SCN11A: variants seen among roughly 807,000 people sequenced by gnomAD.
The protein encoded by SCN11A is sodium voltage-gated channel alpha subunit 11.
Under a neutral mutation model 162.2 loss-of-function variants are expected in SCN11A, and 122 were observed. The ratio of observed to expected loss-of-function variants is 0.75; its 90% CI spans 0.65 to 0.87. The LOEUF (loss-of-function observed/expected upper bound fraction) is 0.87, where lower values mean the gene tolerates loss of function less well. Ranked by LOEUF, SCN11A falls within the 40% of genes least tolerant of loss-of-function variation. The probability of loss-of-function intolerance (pLI) is 0.00; values close to 1 mark genes in which losing one functional copy is unlikely to be tolerated. For synonymous variants in SCN11A, 758 were observed against 751.5 expected (o/e 1.01, Z -0.14); for missense variants, 2,015 against 2,181.6 (o/e 0.92, Z 1.52).
At chr3:38,966,392 A>G (rs541167964) in intron 2 of SCN11A, among the ~76,000 whole-genome samples, 2 of 152,206 alleles carry the variant, frequency 1.3e-5, no homozygotes, top group African/African-American at 2.4e-5. Flanking sequence ...CAAATAAATT[A>G]TGTAATTTGA....
At chr3:38,956,240 G>A (rs768106310) in intron 3 of SCN11A, among the ~76,000 whole-genome samples, 15 of 151,208 alleles carry the variant, frequency 9.9e-5, no homozygotes, top group African/African-American at 3.7e-4. Flanking sequence ...GGGAGACTCC[G>A]TCTCAAAAAA....
At chr3:39,035,003 T>A (rs2031867438) in intron 1 of SCN11A, among the ~76,000 whole-genome samples, 1 of 152,140 alleles carries the variant, frequency 6.6e-6, no homozygotes, top group Non-Finnish European at 1.5e-5. Flanking sequence ...GAATTAATAT[T>A]GTTAAAATGT....
chr3:38,958,477 C>G (rs1227876426), intron 3 of SCN11A, among the ~76,000 whole-genome samples: 1 of 152,204 alleles, frequency 6.6e-6, no homozygotes, highest in East Asian at 1.9e-4. Flanking sequence ...TAAAAAGTCC[C>G]TTTAATAAAA....
At chr3:39,036,523 A>G (rs935551006) in intron 1 of SCN11A, among the ~76,000 whole-genome samples, 1 of 152,238 alleles carries the variant, frequency 6.6e-6, no homozygotes, top group African/African-American at 2.4e-5. Context: ...CAAGCTAAAA[A>G]GCTTCTGCAC....
At chr3:38,894,287 C>A (rs541693896) in intron 19 of SCN11A, among the ~76,000 whole-genome samples, 2 of 152,252 alleles carry the variant, frequency 1.3e-5, no homozygotes, top group Admixed American at 6.5e-5. Context: ...CAAAGGAACT[C>A]CCCCTGTCAT....
rs375444569 is a variant in SCN11A at position 38,896,978 on chromosome 3, G to A, written c.2270C>T (p.Ser757Phe). The change falls in exon 18 of 30, where the codon TCC becomes TTC. Residue 757 changes from serine to phenylalanine, a missense_variant. Ser to Phe is a radical substitution (Grantham distance 155). Coordinates refer to ENST00000302328, the MANE Select transcript of SCN11A (RefSeq NM_001349253.2). ...GAGGATGCGGAATACCACTAGGAAG[G>A]AGTGCCAGAAATCCCCCATGTGCCA... ...RHWHMGDFWHSFLVVFRILCG... is the reference protein window; with the variant it reads ...RHWHMGDFWHFFLVVFRILCG... The A allele has an allele frequency of 1.3e-5, 21 of 1,614,138 alleles. No homozygotes were observed. Among genetic ancestry groups the A allele is most frequent in the Non-Finnish European group, 1.8e-5 (21 of 1,180,014 alleles).
intron 23 of SCN11A, among the ~76,000 whole-genome samples, chr3:38,873,712 A>C (rs761877361): frequency 6.6e-6 from 1 of 152,126 alleles, no homozygotes; most frequent in Non-Finnish European, 1.5e-5. Flanking sequence ...GTTCCATCAG[A>C]CTTGCAGGTA....
At chr3:38,991,192 T>A (rs1224072439) in intron 2 of SCN11A, among the ~76,000 whole-genome samples, 1 of 152,218 alleles carries the variant, frequency 6.6e-6, no homozygotes, top group East Asian at 1.9e-4. Context: ...AATATTGTTT[T>A]ATAAAAAACA....
chr3:38,921,383 C>A, intron 9 of SCN11A, 128 bp from the exon 10 acceptor site: 1 of 805,488 alleles, frequency 1.2e-6, no homozygotes. Flanking sequence ...TCCAGCCTAG[C>A]CTATGATTCT....
intron 28 of SCN11A, among the ~76,000 whole-genome samples, chr3:38,860,757 T>C (rs2064950159): frequency 6.6e-6 from 1 of 152,114 alleles, no homozygotes; most frequent in Non-Finnish European, 1.5e-5. Flanking sequence ...GTAAAAGCCA[T>C]TTATGACAAA....
chr3:38,935,118 C>T (rs1415959866), intron 7 of SCN11A, among the ~76,000 whole-genome samples: 1 of 152,144 alleles, frequency 6.6e-6, no homozygotes, highest in East Asian at 1.9e-4. Context: ...CAACCTGCTC[C>T]TGAATGACTA....
intron 2 of SCN11A, among the ~76,000 whole-genome samples, chr3:38,973,099 TA>T (rs1436116034): frequency 3.9e-5 from 6 of 152,334 alleles, no homozygotes; most frequent in Non-Finnish European, 8.8e-5. Context: ...AAGGCATTTT[TA>T]TAATTATAGA....
At chr3:38,951,154 A>G (rs1333529424) in intron 4 of SCN11A, among the ~76,000 whole-genome samples, 2 of 152,176 alleles carry the variant, frequency 1.3e-5, no homozygotes, top group African/African-American at 4.8e-5. Flanking sequence ...GTGTGGAGGG[A>G]GAGGCGCGAG....
chr3:39,017,071 G>A (rs191779842), intron 2 of SCN11A, among the ~76,000 whole-genome samples: 41 of 152,262 alleles, frequency 2.7e-4, no homozygotes, highest in African/African-American at 9.4e-4. Flanking sequence ...TTGGGAAGTG[G>A]AGCTTTTGGG....
At chr3:39,028,716 G>C (rs1016061099) in intron 2 of SCN11A, among the ~76,000 whole-genome samples, 1 of 152,188 alleles carries the variant, frequency 6.6e-6, no homozygotes, top group Non-Finnish European at 1.5e-5. Flanking sequence ...AAGAGAGCAA[G>C]AGTGTGCAAA....
At chr3:39,041,342 C>T (rs2032045059) in intron 1 of SCN11A, among the ~76,000 whole-genome samples, 1 of 152,106 alleles carries the variant, frequency 6.6e-6, no homozygotes, top group African/African-American at 2.4e-5. Flanking sequence ...ACATTGACAT[C>T]CAGGAAGCTA....
chr3:38,957,541 C>G (rs545154636), intron 3 of SCN11A, among the ~76,000 whole-genome samples: 11 of 152,162 alleles, frequency 7.2e-5, no homozygotes, highest in African/African-American at 2.7e-4. Flanking sequence ...TACGACTTGA[C>G]GTGGGGAATG....
intron 7 of SCN11A, among the ~76,000 whole-genome samples, chr3:38,945,199 T>C (rs2066497609): frequency 6.6e-6 from 1 of 152,310 alleles, no homozygotes; most frequent in Admixed American, 6.5e-5. Context: ...ATAAAACTTA[T>C]GTAAACACAA....
intron 7 of SCN11A, among the ~76,000 whole-genome samples, chr3:38,944,238 G>A (rs1257415783): frequency 2.6e-5 from 4 of 152,176 alleles, no homozygotes; most frequent in Admixed American, 2.6e-4. Context: ...ATACACTGCT[G>A]ATGGCAGAGC....
Sources: allele counts gnomAD v4.1 joint callset (sites outside exome capture counted in the v4.1 genomes callset), GRCh38; gene constraint gnomAD v4.1.1; transcripts MANE v1.5; gene names NCBI Gene and HGNC (gene_info 2026-07-23, HGNC 2026-07-21).